Variants in RPS6KC1 observed in about 807,000 individuals in gnomAD.
RPS6KC1 encodes the protein inactive ribosomal protein S6 kinase delta-1.
Under a neutral mutation model 103.8 loss-of-function variants are expected in RPS6KC1, and 54 were observed. The observed-to-expected ratio is 0.52, with a 90% confidence interval of 0.42 to 0.65. The LOEUF (loss-of-function observed/expected upper bound fraction) is 0.65. Among genes scored for constraint, RPS6KC1 ranks in the 30% least tolerant of loss-of-function variants. The pLI, the probability that RPS6KC1 is intolerant of heterozygous loss-of-function variation, is 0.00. For missense variants in RPS6KC1, 1,151 were observed against 1,253.8 expected (o/e 0.92, Z 1.24); for synonymous variants, 439 against 438.7 (o/e 1.00, Z -0.01).
the RPS6KC1 span, among the ~76,000 whole-genome samples, chr1:213,529,992 C>T: frequency 9.2e-5 from 14 of 151,852 alleles, no homozygotes; most frequent in Admixed American, 7.9e-4. Context: ...AAGTCCTGAG[C>T]GTTCAGGAAC....
chr1:213,399,541 C>G, the RPS6KC1 span, among the ~76,000 whole-genome samples: 1 of 152,062 alleles, frequency 6.6e-6, no homozygotes, highest in African/African-American at 2.4e-5. Context: ...TCCCTGACTT[C>G]TCTGCTTGAG....
the RPS6KC1 span, among the ~76,000 whole-genome samples, chr1:213,452,871 G>C: frequency 6.6e-6 from 1 of 152,210 alleles, no homozygotes; most frequent in Non-Finnish European, 1.5e-5. Context: ...ACTTGGCTTT[G>C]GAATGCCTTG....
intron 1 of RPS6KC1, among the ~76,000 whole-genome samples, chr1:213,052,585 G>T (rs2077040260): frequency 6.6e-6 from 1 of 151,936 alleles, no homozygotes; most frequent in Non-Finnish European, 1.5e-5. Context: ...TTGTTGCCCA[G>T]GCTGGAGTGC....
At chr1:213,085,162 C>T (rs2080267825) in intron 3 of RPS6KC1, among the ~76,000 whole-genome samples, 1 of 152,232 alleles carries the variant, frequency 6.6e-6, no homozygotes, top group South Asian at 2.1e-4. Context: ...TTGCCTCTTT[C>T]AGCTTTTCGT....
chr1:213,119,467 T>TG lies in RPS6KC1; in HGVS notation c.472+2057_472+2058insG, dbSNP rs1256511659. ...ATATATATATATATATATATATATA[T>TG]ATATATATATATATATATATATATA... On this transcript the variant is annotated intron_variant, in intron 5 of 14. Coordinates refer to ENST00000366960, the MANE Select transcript of RPS6KC1 (RefSeq NM_012424.6). Among the ~76,000 whole-genome samples the TG allele has an allele frequency of 1.2e-3, 14 of 12,136 alleles. 1 individual carries two copies. The highest frequency in any genetic ancestry group is 9.9e-3 in the South Asian group (3 of 304). The allele number at this position is 12,136 out of a possible 152,430, so 8.0% of individuals were successfully genotyped here.
the RPS6KC1 span, among the ~76,000 whole-genome samples, chr1:213,547,325 T>C: frequency 6.6e-6 from 1 of 152,234 alleles, no homozygotes; most frequent in Non-Finnish European, 1.5e-5. Context: ...ATATTTAACA[T>C]GTCTAAATGC....
the RPS6KC1 span, among the ~76,000 whole-genome samples, chr1:213,709,109 A>G: frequency 1.3e-5 from 2 of 152,148 alleles, no homozygotes; most frequent in African/African-American, 4.8e-5. Context: ...TGTTTTGAAT[A>G]GTTTTAGGAG....
At chr1:213,316,415 C>T in the RPS6KC1 span, among the ~76,000 whole-genome samples, 19 of 152,268 alleles carry the variant, frequency 1.2e-4, no homozygotes, top group African/African-American at 4.3e-4. Flanking sequence ...AGATTAATGA[C>T]CAAGGCAGGT....
the RPS6KC1 span, among the ~76,000 whole-genome samples, chr1:213,459,526 T>TA: frequency 4.6e-5 from 7 of 152,006 alleles, no homozygotes; most frequent in African/African-American, 7.2e-5. Flanking sequence ...GTTAATCTTT[T>TA]AAAAAAAACC....
the RPS6KC1 span, among the ~76,000 whole-genome samples, chr1:213,667,433 G>A: frequency 8.5e-5 from 13 of 152,210 alleles, no homozygotes; most frequent in South Asian, 2.5e-3. Flanking sequence ...ATAGGAATAA[G>A]GCATTGTGTT....
At chr1:213,470,778 C>T in the RPS6KC1 span, among the ~76,000 whole-genome samples, 1 of 151,782 alleles carries the variant, frequency 6.6e-6, no homozygotes, top group Admixed American at 6.6e-5. Context: ...GTGCTACCTG[C>T]CACAACTGGC....
chr1:213,602,359 G>A, the RPS6KC1 span, among the ~76,000 whole-genome samples: 2 of 146,938 alleles, frequency 1.4e-5, no homozygotes, highest in East Asian at 2.0e-4. Context: ...TCAGCCTCCC[G>A]AGTAGCTGGG....
chr1:213,173,326 G>A (rs752339313), intron 7 of RPS6KC1, among the ~76,000 whole-genome samples: 11 of 152,166 alleles, frequency 7.2e-5, no homozygotes, highest in Non-Finnish European at 1.0e-4. Context: ...TGATCACTTT[G>A]CCTTTGGTCA....
chr1:213,409,095 T>G, the RPS6KC1 span, among the ~76,000 whole-genome samples: 1 of 152,028 alleles, frequency 6.6e-6, no homozygotes, highest in African/African-American at 2.4e-5. Flanking sequence ...AAAGAGCACG[T>G]TGGAGTGGAT....
At chr1:213,634,236 C>G in the RPS6KC1 span, among the ~76,000 whole-genome samples, 9,141 of 152,116 alleles carry the variant, frequency 0.06, 600 homozygotes, top group East Asian at 0.29. Flanking sequence ...GACCTAATAG[C>G]CATCTACAGA....
chr1:213,312,570 A>C, the RPS6KC1 span, among the ~76,000 whole-genome samples: 1 of 152,130 alleles, frequency 6.6e-6, no homozygotes, highest in Non-Finnish European at 1.5e-5. Context: ...CAGTCCTGTA[A>C]ACACTTGCCT....
the RPS6KC1 span, among the ~76,000 whole-genome samples, chr1:213,603,903 T>G: frequency 4.0e-5 from 6 of 151,854 alleles, no homozygotes; most frequent in South Asian, 4.2e-4. Flanking sequence ...AAAAAAAATT[T>G]TTTCTGTTTC....
the RPS6KC1 span, among the ~76,000 whole-genome samples, chr1:213,678,491 G>A: frequency 6.6e-6 from 1 of 152,162 alleles, no homozygotes; most frequent in Non-Finnish European, 1.5e-5. Context: ...GAACTGTTGT[G>A]AATTAGCCCA....
the RPS6KC1 span, among the ~76,000 whole-genome samples, chr1:213,406,323 A>G: frequency 1.3e-5 from 2 of 152,222 alleles, no homozygotes; most frequent in African/African-American, 4.8e-5. Context: ...CTATTTGCTC[A>G]GTTTATTTTT....
Sources: gnomAD v4.1 joint callset for allele counts (sites outside exome capture counted in the v4.1 genomes callset) on GRCh38, gnomAD v4.1.1 for gene constraint, MANE v1.5 for transcripts, NCBI Gene and HGNC (gene_info 2026-07-23, HGNC 2026-07-21) for gene names.